CSMD1: variants seen among roughly 807,000 people sequenced by gnomAD.
CSMD1 encodes CUB and Sushi multiple domains 1, also known as CUB and sushi domain-containing protein 1.
Under a neutral mutation model 417.5 loss-of-function variants are expected in CSMD1, and 213 were observed. That is an observed-to-expected ratio of 0.51 (90% CI 0.46 to 0.57). The LOEUF (loss-of-function observed/expected upper bound fraction) is 0.57. Among genes scored for constraint, CSMD1 ranks in the 20% least tolerant of loss-of-function variants. CSMD1 has a pLI of 0.00. For missense variants in CSMD1, 6,923 were observed against 4,529.7 expected (o/e 1.53, Z -15.17); for synonymous variants, 2,862 against 1,736.8 (o/e 1.65, Z -16.11).
At chr8:3,746,692 TACTCA>T (rs1797079723) in intron 6 of CSMD1, among the ~76,000 whole-genome samples, 1 of 152,222 alleles carries the variant, frequency 6.6e-6, no homozygotes, top group Admixed American at 6.5e-5. Flanking sequence ...CCCCAATATC[TACTCA>T]AAATAATTAC....
chr8:4,760,422 G>A (rs1328847779), intron 1 of CSMD1, among the ~76,000 whole-genome samples: 3 of 152,084 alleles, frequency 2.0e-5, no homozygotes, highest in Admixed American at 1.3e-4. Context: ...ATACCTTTGT[G>A]GCTAGAAGAG....
chr8:3,476,374 A>G (rs749865381), intron 11 of CSMD1, among the ~76,000 whole-genome samples: 6 of 152,188 alleles, frequency 3.9e-5, no homozygotes, highest in Non-Finnish European at 8.8e-5. Context: ...AATATTCACA[A>G]TGTTTCTATT....
chr8:3,320,120 A>C (rs559353304), intron 23 of CSMD1, among the ~76,000 whole-genome samples: 1 of 152,180 alleles, frequency 6.6e-6, no homozygotes, highest in African/African-American at 2.4e-5. Flanking sequence ...CACACAATTC[A>C]TCAGGCAGGT....
At chr8:3,421,579 A>C (rs557061627) in intron 12 of CSMD1, among the ~76,000 whole-genome samples, 2 of 152,334 alleles carry the variant, frequency 1.3e-5, no homozygotes, top group South Asian at 4.1e-4. Flanking sequence ...CTGTTTGATT[A>C]TGTGTTAAAC....
intron 1 of CSMD1, among the ~76,000 whole-genome samples, chr8:4,657,022 C>A (rs550224663): frequency 5.3e-4 from 80 of 152,210 alleles, no homozygotes; most frequent in African/African-American, 1.8e-3. Flanking sequence ...CACGCAAAGC[C>A]ACCAGGACAC....
At chr8:4,448,837 TTCTC>T (rs769757824) in intron 2 of CSMD1, among the ~76,000 whole-genome samples, 29 of 152,260 alleles carry the variant, frequency 1.9e-4, no homozygotes, top group South Asian at 6.2e-4. Context: ...AAAAGGTAAT[TTCTC>T]TATCTTCTTT....
intron 12 of CSMD1, among the ~76,000 whole-genome samples, chr8:3,422,954 C>A (rs1204128569): frequency 6.6e-6 from 1 of 152,170 alleles, no homozygotes; most frequent in East Asian, 1.9e-4. Flanking sequence ...CTTTGTTAAG[C>A]TCTTTATTAA....
intron 3 of CSMD1, among the ~76,000 whole-genome samples, chr8:4,060,630 C>G (rs1798923148): frequency 6.6e-6 from 1 of 152,124 alleles, no homozygotes; most frequent in Non-Finnish European, 1.5e-5. Flanking sequence ...GATGGGGCTA[C>G]TGGAGGAGGA....
At chr8:4,614,017 A>G (rs1459407048) in intron 2 of CSMD1, among the ~76,000 whole-genome samples, 1 of 152,132 alleles carries the variant, frequency 6.6e-6, no homozygotes, top group Non-Finnish European at 1.5e-5. Context: ...AAATTTTAGG[A>G]CAAACACCCT....
At chr8:4,904,531 C>T (rs903925324) in intron 1 of CSMD1, among the ~76,000 whole-genome samples, 1 of 152,140 alleles carries the variant, frequency 6.6e-6, no homozygotes, top group Non-Finnish European at 1.5e-5. Context: ...AGGTCCTACA[C>T]TGCCCTCTCT....
intron 1 of CSMD1, among the ~76,000 whole-genome samples, chr8:4,716,882 C>T (rs1417354861): frequency 2.6e-5 from 4 of 152,010 alleles, no homozygotes; most frequent in Non-Finnish European, 5.9e-5. Context: ...GAAATTAATT[C>T]TCTAGAAGAT....
At chr8:3,939,758 C>T (rs1810751520) in intron 5 of CSMD1, among the ~76,000 whole-genome samples, 1 of 152,086 alleles carries the variant, frequency 6.6e-6, no homozygotes, top group African/African-American at 2.4e-5. Context: ...TAAGTGCAGT[C>T]ACTCAGAAAT....
chr8:4,198,435 C>A (rs911597541), intron 3 of CSMD1, among the ~76,000 whole-genome samples: 1 of 152,090 alleles, frequency 6.6e-6, no homozygotes, highest in Non-Finnish European at 1.5e-5. Flanking sequence ...TAAGCCATAC[C>A]TGTGGTGGTT....
intron 3 of CSMD1, among the ~76,000 whole-genome samples, chr8:4,103,630 G>A (rs1305097711): frequency 6.6e-6 from 1 of 152,022 alleles, no homozygotes; most frequent in Admixed American, 6.6e-5. Flanking sequence ...GTAGTCTTAA[G>A]GATCTTTAAA....
chr8:4,340,450 A>C (rs1303264091), intron 3 of CSMD1, among the ~76,000 whole-genome samples: 1 of 152,104 alleles, frequency 6.6e-6, no homozygotes, highest in Non-Finnish European at 1.5e-5. Context: ...CATTCCTTGA[A>C]GGAATTATGG....
intron 3 of CSMD1, among the ~76,000 whole-genome samples, chr8:4,353,103 T>C (rs1238762644): frequency 6.6e-6 from 1 of 152,198 alleles, no homozygotes; most frequent in Non-Finnish European, 1.5e-5. Context: ...CCTGAAGTAA[T>C]ATAACATTCG....
At chr8:3,508,313 C>T in intron 10 of CSMD1, among the ~76,000 whole-genome samples, 1 of 148,006 alleles carries the variant, frequency 6.8e-6, no homozygotes, top group Non-Finnish European at 1.5e-5. Context: ...CAGGTGAGAA[C>T]ACTTGGACAC....
At chr8:3,720,336 A>T (rs7837895) in intron 6 of CSMD1, among the ~76,000 whole-genome samples, 80,268 of 152,066 alleles carry the variant, frequency 0.53, 21,154 homozygotes, top group South Asian at 0.66. Flanking sequence ...GCTACTGGAA[A>T]GTGACTTTGG....
At chr8:3,465,679 G>T (rs1276055295) in intron 12 of CSMD1, among the ~76,000 whole-genome samples, 2 of 152,220 alleles carry the variant, frequency 1.3e-5, no homozygotes, top group Non-Finnish European at 2.9e-5. Flanking sequence ...GTCAAGGTTG[G>T]AGTAGGTAGG....
Sources: gnomAD v4.1 joint callset for allele counts (sites outside exome capture counted in the v4.1 genomes callset) on GRCh38, gnomAD v4.1.1 for gene constraint, MANE v1.5 for transcripts, NCBI Gene and HGNC (gene_info 2026-07-23, HGNC 2026-07-21) for gene names.